CCDC138: variants seen among roughly 807,000 people sequenced by gnomAD.
CCDC138 encodes the protein coiled-coil domain containing 138, also known as coiled-coil domain-containing protein 138.
Under a neutral mutation model 82.3 loss-of-function variants are expected in CCDC138, and 66 were observed. The observed-to-expected ratio is 0.80, with a 90% confidence interval of 0.66 to 0.98. The LOEUF is 0.98. CCDC138 is among the 50% of genes least tolerant of loss of function. The pLI, the probability that CCDC138 is intolerant of heterozygous loss-of-function variation, is 0.00. For synonymous variants in CCDC138, 297 were observed against 265.4 expected (o/e 1.12, Z -1.16); for missense variants, 816 against 758.9 (o/e 1.08, Z -0.88).
downstream of CCDC138, among the ~76,000 whole-genome samples, chr2:108,879,072 C>G (rs577797077): frequency 1.3e-5 from 2 of 152,308 alleles, no homozygotes; most frequent in African/African-American, 2.4e-5. Flanking sequence ...ATGGACTGTT[C>G]TCTAGGAAAA....
At chr2:108,800,359 G>A (rs1340733441) in intron 6 of CCDC138, among the ~76,000 whole-genome samples, 2 of 152,016 alleles carry the variant, frequency 1.3e-5, no homozygotes, top group Non-Finnish European at 2.9e-5. Flanking sequence ...CCACTTCCTG[G>A]GTTCAAGCGA....
At chr2:108,845,167 G>A (rs1221143895) in intron 11 of CCDC138, among the ~76,000 whole-genome samples, 2 of 152,086 alleles carry the variant, frequency 1.3e-5, no homozygotes, top group African/African-American at 4.8e-5. Context: ...ATTGTAAGTA[G>A]AGTTTTGAAC....
intron 10 of CCDC138, among the ~76,000 whole-genome samples, chr2:108,834,211 G>GA (rs992691426): frequency 1.4e-5 from 2 of 143,912 alleles, no homozygotes; most frequent in African/African-American, 5.7e-5. Flanking sequence ...TTTCATCTTT[G>GA]AAATTTTTTT....
Position 108,794,589 on chromosome 2 carries a change from T to C in CCDC138, c.444T>C (p.Cys148=), listed in dbSNP as rs530303176. 4 of 1,614,076 alleles carry C rather than the reference T, an allele frequency of 2.5e-6. No individual in the cohort carries two copies. The South Asian group carries it at 3.3e-5, about 13-fold the overall frequency. The part of the protein sequence containing the change: ...TTSSRPRTEC[C]SDAGDSPLKP... ...CATCGAGACCTCGGACTGAGTGTTG[T>C]AGTGATGCAGGTGACTCTCCTTTGA... Residue 148 remains cysteine (C), a synonymous_variant, in exon 5 of 15, where the codon TGT becomes TGC. Transcript: ENST00000295124.
intron 10 of CCDC138, 111 bp downstream of exon 10, chr2:108,816,216 C>T (rs983005340): frequency 9.5e-5 from 73 of 770,812 alleles, no homozygotes; most frequent in Non-Finnish European, 1.3e-4. Context: ...TTTGGGAGTT[C>T]GAGCTGGGCA....
chr2:108,833,894 A>ATTTTTTTTTTT (rs749488565), intron 10 of CCDC138, among the ~76,000 whole-genome samples: 8 of 79,198 alleles, frequency 1.0e-4, no homozygotes, highest in Admixed American at 5.5e-4. Context: ...CGCCCGGCTA[A>ATTTTTTTTTTT]TTTTTTTTTT....
At position 108,836,357 on chromosome 2, in the gene CCDC138, A is replaced by G. The variant is rs140621838; in HGVS notation, c.1207-2828A>G. 1.1e-3 allele frequency among the ~76,000 whole-genome samples: 165 copies of G among 152,286 alleles called. 3 individuals carry two copies. Among genetic ancestry groups the G allele is most frequent in the African/African-American group, 3.9e-3 (162 of 41,568 alleles). ...AGGATTTCCTTCCTTTCTAAGGTGGAACAATATTTGTTTATGCATGAATAC... is the reference window on the plus strand; with the variant it reads ...AGGATTTCCTTCCTTTCTAAGGTGGGACAATATTTGTTTATGCATGAATAC... On this transcript the variant is annotated intron_variant, in intron 10 of 14. Coordinates refer to ENST00000295124, the MANE Select transcript of CCDC138 (RefSeq NM_144978.3).
At chr2:108,830,563 T>G (rs906466586) in intron 10 of CCDC138, among the ~76,000 whole-genome samples, 1 of 151,696 alleles carries the variant, frequency 6.6e-6, no homozygotes, top group African/African-American at 2.4e-5. Context: ...TCCCAGCACT[T>G]TGGGAGGCCG....
rs760937756 is a variant in CCDC138, at chr2:108,811,247, C to CTCTTTTTTTTTT, written c.856-1383_856-1382insCTTTTTTTTTTT. ...CTCCCTTTTCTTTCTTTCTCTCTCT[C>CTCTTTTTTTTTT]TTTTTTTTTTTTTTTGACTGTCTCC... On this transcript the variant is annotated intron_variant, in intron 7 of 14. Coordinates refer to ENST00000295124, the MANE Select transcript of CCDC138 (RefSeq NM_144978.3). Among the ~76,000 whole-genome samples, 28 of 113,916 alleles carry CTCTTTTTTTTTT rather than the reference C, an allele frequency of 2.5e-4. 1 individual carries two copies. Among genetic ancestry groups the CTCTTTTTTTTTT allele is most frequent in the Admixed American group, 7.9e-4 (8 of 10,098 alleles). The allele number at this position is 113,916 out of a possible 152,430, so 74.7% of individuals were successfully genotyped here.
chr2:108,807,416 G>T (rs933407156), intron 7 of CCDC138, among the ~76,000 whole-genome samples: 1 of 152,126 alleles, frequency 6.6e-6, no homozygotes, highest in Non-Finnish European at 1.5e-5. Flanking sequence ...TAATTATGGG[G>T]TACAGTGATA....
intron 10 of CCDC138, among the ~76,000 whole-genome samples, chr2:108,832,530 A>G (rs10172818): frequency 0.018 from 2,805 of 152,008 alleles, 95 homozygotes; most frequent in African/African-American, 0.065. Flanking sequence ...TATTTTTAGT[A>G]GAGACGGGGT....
At chr2:108,867,537 C>CA (rs1694606573) in intron 13 of CCDC138, among the ~76,000 whole-genome samples, 1 of 152,114 alleles carries the variant, frequency 6.6e-6, no homozygotes, top group South Asian at 2.1e-4. Context: ...CTCCCCTCCC[C>CA]AAGCCTTTGG....
At chr2:108,844,804 G>T (rs990888511) in intron 11 of CCDC138, among the ~76,000 whole-genome samples, 1 of 149,540 alleles carries the variant, frequency 6.7e-6, no homozygotes, top group Non-Finnish European at 1.5e-5. Context: ...CTGGAGAGCA[G>T]TGGCACGATC....
In CCDC138 at chr2:108,830,764, C is replaced by T. The variant is rs553333270; in HGVS notation, c.1207-8421C>T. 1.1e-4 allele frequency among the ~76,000 whole-genome samples: 17 copies of T among 151,918 alleles called. 2 individuals carry two copies. Among genetic ancestry groups the T allele is most frequent in the African/African-American group, 3.1e-4 (13 of 41,424 alleles). On this transcript the variant is annotated intron_variant, in intron 10 of 14. Transcript: ENST00000295124. ...CAGAGGTTGCAGTGATCTGAGATCA[C>T]GCCATTGCACTCCAGCCTGGGCAAC... is the stretch of plus-strand genomic sequence containing the variant.
intron 9 of CCDC138, among the ~76,000 whole-genome samples, chr2:108,813,262 A>AAAG (rs919228133): frequency 1.0e-4 from 15 of 150,246 alleles, no homozygotes; most frequent in Admixed American, 2.0e-4. Context: ...AAAAAAAAAA[A>AAAG]AAAAAAAAAA....
At chr2:108,840,032 G>A (rs1689198102) in intron 11 of CCDC138, among the ~76,000 whole-genome samples, 1 of 151,742 alleles carries the variant, frequency 6.6e-6, no homozygotes, top group Non-Finnish European at 1.5e-5. Flanking sequence ...AAGTTCCCCT[G>A]TATTCCTATT....
At chr2:108,790,311 A>C (rs562914553) in intron 3 of CCDC138, among the ~76,000 whole-genome samples, 1 of 152,292 alleles carries the variant, frequency 6.6e-6, no homozygotes, top group South Asian at 2.1e-4. Flanking sequence ...ACTGAGTTTT[A>C]TCATTTTTTA....
chr2:108,877,943 T>C (rs766195264), downstream of CCDC138, among the ~76,000 whole-genome samples: 2 of 152,170 alleles, frequency 1.3e-5, no homozygotes, highest in Non-Finnish European at 2.9e-5. Context: ...AATAGGGAGC[T>C]CTACAGGAGA....
chr2:108,811,072 GT>G (rs1166712687), intron 7 of CCDC138, among the ~76,000 whole-genome samples: 1 of 147,768 alleles, frequency 6.8e-6, no homozygotes. Flanking sequence ...GATTTTATCT[GT>G]TTGGGTCTTT....
Sources: allele counts gnomAD v4.1 joint callset (sites outside exome capture counted in the v4.1 genomes callset), GRCh38; gene constraint gnomAD v4.1.1; transcripts MANE v1.5; gene names NCBI Gene and HGNC (gene_info 2026-07-23, HGNC 2026-07-21).